The following TTC16 variants were observed in gnomAD, a reference collection of about 807,000 sequenced individuals.
TTC16 encodes tetratricopeptide repeat domain 16, also known as tetratricopeptide repeat protein 16.
In TTC16, 66 loss-of-function variants were observed where a neutral mutation model predicts 80.4. That is an observed-to-expected ratio of 0.82 (90% CI 0.67 to 1.01). The LOEUF (loss-of-function observed/expected upper bound fraction) is 1.01. Ranked by LOEUF, TTC16 falls within the 50% of genes least tolerant of loss-of-function variation. The pLI, the probability that TTC16 is intolerant of heterozygous loss-of-function variation, is 0.00. For missense variants in TTC16, 1,070 were observed against 1,103.2 expected (o/e 0.97, Z 0.43); for synonymous variants, 438 against 451.3 (o/e 0.97, Z 0.37).
intron 6 of TTC16, among the ~76,000 whole-genome samples, chr9:127,721,789 T>C (rs1843534070): frequency 6.6e-6 from 1 of 152,036 alleles, no homozygotes; most frequent in Non-Finnish European, 1.5e-5. Context: ...CCACAACCTC[T>C]ACCGGGAGGT....
intron 4 of TTC16, 68 bp from the exon 5 acceptor site, chr9:127,720,010 T>C: frequency 1.4e-6 from 2 of 1,425,394 alleles, no homozygotes; most frequent in Non-Finnish European, 2.0e-6. Flanking sequence ...CAGGGCTTTC[T>C]GCTGCCAACT....
Position 127,727,285 on chromosome 9 carries a change from C to T in TTC16, c.1584C>T (p.His528=), listed in dbSNP as rs749065817. ...CGTTTGGCAGGATGCTTAAACGGCACGAGTTGGAGCGCCAGAAGGCCTTGG... is the reference window on the plus strand; with the variant it reads ...CGTTTGGCAGGATGCTTAAACGGCATGAGTTGGAGCGCCAGAAGGCCTTGG... ...PQGIVGMLKR[H]ELERQKALAL... Residue 528 remains histidine, a synonymous_variant, in exon 12 of 14, where the codon CAC becomes CAT. Coordinates refer to ENST00000373289, the MANE Select transcript of TTC16 (RefSeq NM_144965.3). 1.5e-5 allele frequency: 23 copies of T among 1,566,714 alleles called. No individual in the cohort carries two copies. In the South Asian group the frequency reaches 1.9e-4, roughly 13 times the overall value.
chr9:127,726,512 G>C (rs1216891117), intron 10 of TTC16, 108 bp downstream of exon 10: 1 of 1,282,846 alleles, frequency 7.8e-7, no homozygotes, highest in Non-Finnish European at 1.0e-6. Context: ...ATAAGGCCAG[G>C]CATGGTGGGT....
chr9:127,723,361 G>A, intron 7 of TTC16, 28 bp downstream of exon 7: 2 of 1,598,178 alleles, frequency 1.3e-6, no homozygotes, highest in Admixed American at 1.7e-5. Flanking sequence ...GCTGGCCTTG[G>A]GTCCCAGGTC....
intron 12 of TTC16, 28 bp from the exon 13 acceptor site, chr9:127,729,551 CTG>C: frequency 6.2e-7 from 1 of 1,602,498 alleles, no homozygotes; most frequent in Non-Finnish European, 8.5e-7. Context: ...CTCCTACCAT[CTG>C]AACTACAAAG....
At position 127,729,871 on chromosome 9, in the gene TTC16, T is replaced by C. The variant is rs1035898964; in HGVS notation, c.1852+203T>C. 5.2e-6 allele frequency: 3 copies of C among 580,600 alleles called. No individual in the cohort carries two copies. In the African/African-American group the frequency reaches 5.6e-5, roughly 11 times the overall value. The allele number at this position is 580,600 out of a possible 1,614,324, so 36.0% of individuals were successfully genotyped here. A position where few individuals can be genotyped will look rare whatever the true frequency, so the allele number is the denominator to read the frequency against. On this transcript the variant is annotated intron_variant, in intron 13 of 13. Transcript: ENST00000373289. ...GGTGAGGCTTGCTCCAGGCACTTCA[T>C]GGTAGCTGCTGCTCTGCTCTCATCC...
chr9:127,717,415 C>G lies in TTC16; in HGVS notation c.273C>G (p.Asp91Glu). Residue 91 changes from aspartate (D) to glutamate (E), a missense_variant, in exon 3 of 14, where the codon GAC (aspartate) becomes GAG (glutamate). Physicochemically the swap from Asp to Glu is conservative, Grantham distance 45. Coordinates refer to ENST00000373289, the MANE Select transcript of TTC16 (RefSeq NM_144965.3). ...VLLFSRALHL[D>E]PQLVDFYALR... is the part of the protein sequence containing the mutation. The stretch of plus-strand genomic sequence containing the variant: ...TCTTCTCCCGCGCACTCCACCTGGA[C>G]CCACAGCTGGTGAGAGGCAGACCTG... The G allele has an allele frequency of 1.2e-6, 2 of 1,612,882 alleles. No individual in the cohort carries two copies. Among genetic ancestry groups the G allele is most frequent in the Non-Finnish European group, 1.7e-6 (2 of 1,179,482 alleles).
In TTC16 at chr9:127,716,932, T is replaced by C. The variant is rs756587620; in HGVS notation, c.107T>C (p.Phe36Ser). Reference protein sequence around the residue: ...PAPKGILQHIFGTSHVFQSIC... With the variant: ...PAPKGILQHISGTSHVFQSIC... ...CCCAAAGGGATCCTGCAGCACATCT[T>C]TGGGACCAGCCACGTGTTCCAAAGC... Residue 36 changes from phenylalanine (F) to serine (S), a missense_variant, in exon 2 of 14, where the codon TTT (phenylalanine) becomes TCT (serine). Physicochemically the swap from Phe to Ser is radical, Grantham distance 155. Coordinates refer to ENST00000373289, the MANE Select transcript of TTC16 (RefSeq NM_144965.3). 7.4e-6 allele frequency: 12 copies of C among 1,613,898 alleles called. No individual in the cohort carries two copies. The highest frequency in any genetic ancestry group is 2.7e-5 in the African/African-American group (2 of 74,856).
At position 127,724,912 on chromosome 9, in the gene TTC16, G is replaced by A. The variant is rs1480617903; in HGVS notation, c.1259+15G>A. On this transcript the variant is annotated intron_variant, in intron 9 of 13. Coordinates refer to ENST00000373289, the MANE Select transcript of TTC16 (RefSeq NM_144965.3). ...CAGAGGCGCAAGTGCGTGGGCTCCCGCCCCCACGGTGGGCGGGGCAGGCCC... is the reference window on the plus strand; with the variant it reads ...CAGAGGCGCAAGTGCGTGGGCTCCCACCCCCACGGTGGGCGGGGCAGGCCC... The A allele has an allele frequency of 7.4e-6, 11 of 1,495,494 alleles. No homozygotes were observed. Among genetic ancestry groups the A allele is most frequent in the Non-Finnish European group, 9.8e-6 (11 of 1,126,640 alleles). The allele number at this position is 1,495,494 out of a possible 1,614,324, so 92.6% of individuals were successfully genotyped here.
chr9:127,727,490 C>G (rs763855157), intron 12 of TTC16, 25 bp downstream of exon 12: 1 of 1,550,772 alleles, frequency 6.4e-7, no homozygotes, highest in Non-Finnish European at 8.7e-7. Context: ...GGCCAGGGCT[C>G]GGAGCCCTTG....
chr9:127,723,092 C>T, intron 6 of TTC16, 27 bp from the exon 7 acceptor site: 1 of 1,604,286 alleles, frequency 6.2e-7, no homozygotes. Context: ...GGTCTGTGCC[C>T]CTGATGCCAC....
In TTC16 at chr9:127,731,333, C is replaced by T. The variant is rs1844404617; in HGVS notation, c.2550C>T (p.Ser850=). The change falls in exon 14 of 14, where the codon TCC becomes TCT. Residue 850 remains serine, a synonymous_variant. Transcript: ENST00000373289. ...GMSSTSSKAE[S]TWGPSPSLSK... ...GCTCAACTTCCAGCAAGGCCGAGTC[C>T]ACCTGGGGACCCAGCCCAAGTCTCA... 1 of 1,613,068 alleles carries T rather than the reference C, an allele frequency of 6.2e-7. No homozygotes were observed. The highest frequency in any genetic ancestry group is 8.5e-7 in the Non-Finnish European group (1 of 1,180,048).
In TTC16 at chr9:127,720,333, C is replaced by G. The variant is rs1356050641; in HGVS notation, c.595C>G (p.Gln199Glu). ...CLTLITNELK[Q>E]DTTNADVYIF... is the part of the protein sequence containing the mutation. Reference sequence around the variant, plus strand: ...CACGCTCATCACCAACGAGCTGAAGCAGGACACCACCAACGCCGATGTCTA... The same window carrying G: ...CACGCTCATCACCAACGAGCTGAAGGAGGACACCACCAACGCCGATGTCTA... The change falls in exon 6 of 14, where the codon CAG becomes GAG. Residue 199 changes from glutamine (Q) to glutamate (E), a missense_variant. By Grantham distance (29) the Gln-to-Glu change is conservative. Coordinates refer to ENST00000373289, the MANE Select transcript of TTC16 (RefSeq NM_144965.3). 1 of 1,613,478 alleles carries G rather than the reference C, an allele frequency of 6.2e-7. No homozygotes were observed. Among genetic ancestry groups the G allele is most frequent in the South Asian group, 1.1e-5 (1 of 91,086 alleles).
rs1031168979 is a variant in TTC16, at chr9:127,718,509, A to AC, written c.426+741dup. On this transcript the variant is annotated intron_variant, in intron 4 of 13. Coordinates refer to ENST00000373289, the MANE Select transcript of TTC16 (RefSeq NM_144965.3). This position sits in a 1 kb window ranked among gnomAD's most constrained non-coding sequence, Gnocchi z 4.6. ...TCTAAGCACTAAAAAGGTCACAGTG[A>AC]CCCCTAAGTGTATTTCAAAGGAAAA... is the stretch of plus-strand genomic sequence containing the variant. 1.3e-5 allele frequency among the ~76,000 whole-genome samples: 2 copies of AC among 152,162 alleles called. No individual in the cohort carries two copies. Among genetic ancestry groups the AC allele is most frequent in the Non-Finnish European group, 2.9e-5 (2 of 68,034 alleles).
chr9:127,729,299 C>A (rs1438117429), intron 12 of TTC16: 3 of 394,380 alleles, frequency 7.6e-6, no homozygotes, highest in African/African-American at 4.1e-5. Flanking sequence ...GAAGCCTGTT[C>A]CACACCTGAA....
chr9:127,716,176 G>A lies in TTC16; in HGVS notation c.18+13G>A, dbSNP rs1564373748. ...AGATTCGGACGAGGTGCGGGCTTGG[G>A]AGAAGACTAACGCAAAGGCAGAGGG... On this transcript the variant is annotated intron_variant, in intron 1 of 13. Transcript: ENST00000373289. 1.2e-6 allele frequency: 2 copies of A among 1,613,926 alleles called. No homozygotes were observed. Among genetic ancestry groups the A allele is most frequent in the East Asian group, 4.5e-5 (2 of 44,878 alleles).
At chr9:127,719,562 G>A (rs564843428) in intron 4 of TTC16, among the ~76,000 whole-genome samples, 121 of 152,212 alleles carry the variant, frequency 7.9e-4, no homozygotes, top group African/African-American at 2.3e-3. Context: ...GCACGATCTC[G>A]GCTCACTGTA....
chr9:127,720,986 C>A (rs554369833), intron 6 of TTC16, among the ~76,000 whole-genome samples: 123 of 118,978 alleles, frequency 1.0e-3, no homozygotes, highest in South Asian at 4.6e-3. Context: ...CTCTTCCTTT[C>A]TTTTTTCCTG....
At position 127,717,893 on chromosome 9, in the gene TTC16, C is replaced by A. The variant is rs376973313; in HGVS notation, c.426+121C>A. Reference sequence around the variant, plus strand: ...TCCTTGTCCCTGTGTCTGGGTCCCCCCCGCTGCCCCTCTCACCTCCAAGGC... The same window carrying A: ...TCCTTGTCCCTGTGTCTGGGTCCCCACCGCTGCCCCTCTCACCTCCAAGGC... On this transcript the variant is annotated intron_variant, in intron 4 of 13. Coordinates refer to ENST00000373289, the MANE Select transcript of TTC16 (RefSeq NM_144965.3). 4.8e-5 allele frequency: 62 copies of A among 1,282,574 alleles called. 1 individual carries two copies. Among genetic ancestry groups the A allele is most frequent in the Non-Finnish European group, 6.5e-5 (62 of 949,650 alleles). 79.4% of individuals were successfully genotyped at this position (1,282,574 alleles called of 1,614,324 possible). A position where few individuals can be genotyped will look rare whatever the true frequency, so the allele number is the denominator to read the frequency against.
Sources: gnomAD v4.1 joint callset for allele counts (sites outside exome capture counted in the v4.1 genomes callset) on GRCh38, gnomAD v4.1.1 for gene constraint, Gnocchi (gnomAD v3.1) non-coding constraint, MANE v1.5 for transcripts, NCBI Gene and HGNC (gene_info 2026-07-23, HGNC 2026-07-21) for gene names.